The following FRAS1 variants were observed in gnomAD, a reference collection of about 807,000 sequenced individuals.
FRAS1 encodes Fraser extracellular matrix complex subunit 1.
In FRAS1, 290 loss-of-function variants were observed where a neutral mutation model predicts 435.2. The observed-to-expected ratio is 0.67, with a 90% CI of 0.61 to 0.73. The LOEUF (loss-of-function observed/expected upper bound fraction) is 0.73. Ranked by LOEUF, FRAS1 falls within the 30% of genes least tolerant of loss-of-function variation. FRAS1 has a pLI of 0.00. For missense variants in FRAS1, 4,860 were observed against 5,001.5 expected, an observed-to-expected ratio of 0.97 and a Z score of 0.85; for synonymous variants, 1,800 against 1,851.0, an observed-to-expected ratio of 0.97 and a Z score of 0.71.
At chr4:78,237,446 C>A in intron 2 of FRAS1, 64 bp from the exon 3 acceptor site, 1 of 1,116,880 alleles carries the variant, frequency 9.0e-7, no homozygotes, top group Non-Finnish European at 1.4e-6. Context: ...ATTGATGGTG[C>A]AGCTTTTGTG....
At chr4:78,311,281 TG>T (rs1035671114) in intron 15 of FRAS1, among the ~76,000 whole-genome samples, 1 of 152,156 alleles carries the variant, frequency 6.6e-6, no homozygotes, top group Non-Finnish European at 1.5e-5. Flanking sequence ...CTTATCTAAC[TG>T]GGTATTTTTA....
At chr4:78,196,329 T>G (rs1047896771) in intron 2 of FRAS1, among the ~76,000 whole-genome samples, 2 of 152,200 alleles carry the variant, frequency 1.3e-5, no homozygotes, top group African/African-American at 4.8e-5. Flanking sequence ...TATAACAAGA[T>G]CATATCTTAT....
At chr4:78,380,714 G>A (rs1261692595) in intron 27 of FRAS1, among the ~76,000 whole-genome samples, 9 of 152,202 alleles carry the variant, frequency 5.9e-5, no homozygotes, top group Non-Finnish European at 1.3e-4. Context: ...ATTCAGCATA[G>A]ACTCTATGTA....
intron 70 of FRAS1, among the ~76,000 whole-genome samples, chr4:78,527,399 T>C (rs28505110): frequency 0.38 from 58,062 of 152,008 alleles, 11,366 homozygotes; most frequent in South Asian, 0.54. Context: ...ATTGAGGTGA[T>C]AGCACTACAC....
intron 2 of FRAS1, among the ~76,000 whole-genome samples, chr4:78,203,780 C>T (rs1240552569): frequency 6.6e-6 from 1 of 152,090 alleles, no homozygotes; most frequent in Non-Finnish European, 1.5e-5. Flanking sequence ...GTTAGCCAGG[C>T]TGGTCTCGAA....
chr4:78,227,717 G>C (rs1177371788), intron 2 of FRAS1, among the ~76,000 whole-genome samples: 1 of 152,212 alleles, frequency 6.6e-6, no homozygotes, highest in Non-Finnish European at 1.5e-5. Flanking sequence ...CAGAAGTAGA[G>C]AAGCACTTTT....
At chr4:78,320,845 T>G (rs906692445) in intron 18 of FRAS1, among the ~76,000 whole-genome samples, 1 of 152,098 alleles carries the variant, frequency 6.6e-6, no homozygotes, top group African/African-American at 2.4e-5. Context: ...AGATGCCAAG[T>G]GAGACCCCTG....
chr4:78,180,157 G>A, intron 2 of FRAS1, among the ~76,000 whole-genome samples: 1 of 152,136 alleles, frequency 6.6e-6, no homozygotes, highest in East Asian at 1.9e-4. Flanking sequence ...TGTGCTGGAT[G>A]TGGTGAACAG....
At chr4:78,310,439 G>C (rs1728970431) in intron 15 of FRAS1, among the ~76,000 whole-genome samples, 1 of 152,222 alleles carries the variant, frequency 6.6e-6, no homozygotes, top group African/African-American at 2.4e-5. Context: ...GAGGCTGTAA[G>C]AGGTGGGAAT....
rs1394061170 is a variant in FRAS1 at position 78,267,314 on chromosome 4, A to C, written c.863A>C (p.Asp288Ala). ...TCTCCTGCCGGGAGCTGCTCCTATG[A>C]TGGAGTTGTGCGGTACCAGGACGAA... Reference protein sequence around the residue: ...CVSPAGSCSYDGVVRYQDEMW... With the variant: ...CVSPAGSCSYAGVVRYQDEMW... Residue 288 changes from aspartate to alanine, a missense_variant, in exon 9 of 74, where the codon GAT becomes GCT. By Grantham distance (126) the Asp-to-Ala change is moderately radical. Transcript: ENST00000512123. 1 of 1,613,722 alleles carries C rather than the reference A, an allele frequency of 6.2e-7. No individual in the cohort carries two copies. The highest frequency in any genetic ancestry group is 8.5e-7 in the Non-Finnish European group (1 of 1,179,820).
rs1207804668 is a variant in FRAS1 at position 78,364,070 on chromosome 4, G to C, written c.2722+16G>C. ...GTTTGCCAGCGTAGGTTTTTCCAATGAACCTTCTCTCCTTTCCTTCTTTTC... is the reference window on the plus strand; with the variant it reads ...GTTTGCCAGCGTAGGTTTTTCCAATCAACCTTCTCTCCTTTCCTTCTTTTC... On this transcript the variant is annotated intron_variant, in intron 22 of 73. Coordinates refer to ENST00000512123, the MANE Select transcript of FRAS1 (RefSeq NM_025074.7). 6.4e-7 allele frequency: 1 copy of C among 1,565,388 alleles called. No homozygotes were observed. The highest frequency in any genetic ancestry group is 1.2e-5 in the South Asian group (1 of 84,928).
intron 2 of FRAS1, among the ~76,000 whole-genome samples, chr4:78,104,086 C>T (rs571183628): frequency 2.8e-4 from 42 of 152,266 alleles, no homozygotes; most frequent in African/African-American, 9.4e-4. Context: ...TGCATCACTA[C>T]GAAACTGTGA....
At chr4:78,294,108 C>T (rs77380181) in intron 14 of FRAS1, among the ~76,000 whole-genome samples, 1 of 152,224 alleles carries the variant, frequency 6.6e-6, no homozygotes, top group South Asian at 2.1e-4. Context: ...CGTTCTTTCT[C>T]TTCTCCATTC....
intron 47 of FRAS1, among the ~76,000 whole-genome samples, chr4:78,462,763 A>G (rs1209546717): frequency 1.3e-5 from 2 of 152,262 alleles, no homozygotes; most frequent in African/African-American, 4.8e-5. Flanking sequence ...GAACTGATGT[A>G]GCAAGCACAG....
intron 18 of FRAS1, among the ~76,000 whole-genome samples, chr4:78,324,561 A>G (rs1242854360): frequency 3.3e-5 from 5 of 152,160 alleles, no homozygotes; most frequent in Non-Finnish European, 7.4e-5. Context: ...GTTTGCATAT[A>G]TCTACTCCTA....
intron 53 of FRAS1, among the ~76,000 whole-genome samples, chr4:78,474,725 G>A (rs1719808297): frequency 6.6e-6 from 1 of 152,152 alleles, no homozygotes; most frequent in Admixed American, 6.6e-5. Context: ...AACAAGACAT[G>A]CACCCAGGTC....
chr4:78,379,933 G>A lies in FRAS1; in HGVS notation c.3500G>A (p.Arg1167His), dbSNP rs376836345. Residue 1167 changes from arginine to histidine, a missense_variant, in exon 27 of 74, where the codon CGT becomes CAT. By Grantham distance (29) the Arg-to-His change is conservative. Coordinates refer to ENST00000512123, the MANE Select transcript of FRAS1 (RefSeq NM_025074.7). ...GAGGTTCAGCTGGACAAGGCTGGCCGTTTTAGCTGGAAAGATGTGAACGAG... is the reference window on the plus strand; with the variant it reads ...GAGGTTCAGCTGGACAAGGCTGGCCATTTTAGCTGGAAAGATGTGAACGAG... ...GKEVQLDKAG[R>H]FSWKDVNEKK... is the part of the protein sequence containing the mutation. 66 of 1,613,760 alleles carry A rather than the reference G, an allele frequency of 4.1e-5. No individual in the cohort carries two copies. Among genetic ancestry groups the A allele is most frequent in the South Asian group, 2.5e-4 (23 of 91,016 alleles).
intron 15 of FRAS1, among the ~76,000 whole-genome samples, chr4:78,310,076 T>C (rs1728956442): frequency 6.6e-6 from 1 of 152,082 alleles, no homozygotes; most frequent in African/African-American, 2.4e-5. Context: ...GTATGAAAAA[T>C]CTCTCTTGGT....
intron 2 of FRAS1, among the ~76,000 whole-genome samples, chr4:78,108,831 A>G (rs1276584569): frequency 7.8e-6 from 1 of 127,410 alleles, no homozygotes; most frequent in Non-Finnish European, 1.6e-5. Flanking sequence ...TGAAAGGATC[A>G]ACAAAATTGA....
Sources: gnomAD v4.1 joint callset for allele counts (sites outside exome capture counted in the v4.1 genomes callset) on GRCh38, gnomAD v4.1.1 for gene constraint, MANE v1.5 for transcripts, NCBI Gene and HGNC (gene_info 2026-07-23, HGNC 2026-07-21) for gene names.